CCDC7: variants seen among roughly 807,000 people sequenced by gnomAD.
The protein encoded by CCDC7 is coiled-coil domain containing 7, also known as coiled-coil domain-containing protein 7.
A neutral mutation model predicts 196.9 loss-of-function variants in CCDC7; 183 were observed. The observed-to-expected ratio is 0.93, with a 90% CI of 0.82 to 1.05. CCDC7 has a LOEUF of 1.05. Ranked by LOEUF, CCDC7 falls within the 50% of genes least tolerant of loss-of-function variation. The pLI is 0.00. For synonymous variants in CCDC7, 525 were observed against 484.6 expected (o/e 1.08, Z -1.10); for missense variants, 1,540 against 1,482.2 (o/e 1.04, Z -0.64).
At chr10:32,473,881 TA>T in intron 7 of CCDC7, 85 bp from the exon 9 acceptor site, 1 of 1,265,732 alleles carries the variant, frequency 7.9e-7, no homozygotes, top group Non-Finnish European at 1.0e-6. Flanking sequence ...AATAAGTTAC[TA>T]AAATTAAAAC....
In CCDC7 at chr10:32,543,294, A is replaced by T; in HGVS notation, c.994-6A>T. 2 of 1,412,478 alleles carry T rather than the reference A, an allele frequency of 1.4e-6. No homozygotes were observed. Among genetic ancestry groups the T allele is most frequent in the Non-Finnish European group, 9.4e-7 (1 of 1,065,384 alleles). 87.5% of individuals were successfully genotyped at this position (1,412,478 alleles called of 1,614,324 possible). A position where few individuals can be genotyped will look rare whatever the true frequency, so the allele number is the denominator to read the frequency against. Reference sequence around the variant, plus strand: ...CTTTATTTCTGGCTTATGTAAAATTATACAGAAAACTAAGCCTACAAATAA... The same window carrying T: ...CTTTATTTCTGGCTTATGTAAAATTTTACAGAAAACTAAGCCTACAAATAA... On this transcript the variant is annotated splice_polypyrimidine_tract_variant and splice_region_variant and intron_variant, in intron 11 of 41. Coordinates refer to ENST00000639629, the Ensembl canonical transcript of CCDC7.
At chr10:32,701,073 T>C (rs769738137) in intron 24 of CCDC7, among the ~76,000 whole-genome samples, 7 of 152,130 alleles carry the variant, frequency 4.6e-5, no homozygotes, top group Admixed American at 3.3e-4. Context: ...ATTGCCCTGG[T>C]CAGAACTTCC....
At chr10:32,741,591 A>G (rs1440262756) in intron 28 of CCDC7, among the ~76,000 whole-genome samples, 2 of 152,182 alleles carry the variant, frequency 1.3e-5, no homozygotes, top group East Asian at 1.9e-4. Context: ...ATTTGGTTGG[A>G]AAAAAAGCCA....
rs1029701158 is a variant in CCDC7, at chr10:32,741,870, G to A, written c.2905+12413G>A. Reference sequence around the variant, plus strand: ...GATGTTCTCCTATTTCAACATACACGTTACACATTTAAATTTGTTATATCT... The same window carrying A: ...GATGTTCTCCTATTTCAACATACACATTACACATTTAAATTTGTTATATCT... On this transcript the variant is annotated intron_variant, in intron 28 of 41. Transcript: ENST00000639629. Among the ~76,000 whole-genome samples the A allele has an allele frequency of 2.0e-5, 3 of 151,990 alleles. No homozygotes were observed. In the East Asian group the frequency reaches 5.8e-4, roughly 29 times the overall value.
intron 41 of CCDC7, among the ~76,000 whole-genome samples, chr10:32,867,869 G>T (rs1231658067): frequency 6.6e-6 from 1 of 151,660 alleles, no homozygotes; most frequent in Non-Finnish European, 1.5e-5. Flanking sequence ...TCTACCTCCA[G>T]AACGTTTTTT....
chr10:32,657,646 G>A (rs971797066), intron 20 of CCDC7, among the ~76,000 whole-genome samples: 3 of 152,138 alleles, frequency 2.0e-5, no homozygotes, highest in Admixed American at 1.3e-4. Context: ...TAGGCCTCTG[G>A]GCCTGTGATG....
At chr10:32,685,873 G>T in intron 21 of CCDC7, 97 bp from the exon 23 acceptor site, 1 of 667,936 alleles carries the variant, frequency 1.5e-6, no homozygotes, top group Non-Finnish European at 2.6e-6. Flanking sequence ...AAGTGACTGA[G>T]AATGCTCATG....
chr10:32,772,312 C>T lies in CCDC7; in HGVS notation c.2906-6665C>T, dbSNP rs146705742. On this transcript the variant is annotated intron_variant, in intron 28 of 41. Coordinates refer to ENST00000639629, the Ensembl canonical transcript of CCDC7. ...TTCCCACTCATTTGGTGAGGCAGATCCACTCCCACAGTGTTCCACTGACAG... is the reference window on the plus strand; with the variant it reads ...TTCCCACTCATTTGGTGAGGCAGATTCACTCCCACAGTGTTCCACTGACAG... Among the ~76,000 whole-genome samples the T allele has an allele frequency of 5.9e-3, 900 of 152,282 alleles. 6 individuals carry two copies. The highest frequency in any genetic ancestry group is 0.02 in the Middle Eastern group (6 of 294).
chr10:32,664,939 C>CA (rs1343367192), intron 21 of CCDC7, among the ~76,000 whole-genome samples: 8 of 152,008 alleles, frequency 5.3e-5, no homozygotes, highest in African/African-American at 1.9e-4. Flanking sequence ...CAACAGTGTA[C>CA]AAGTGTTCCC....
intron 31 of CCDC7, among the ~76,000 whole-genome samples, chr10:32,820,123 A>G (rs1453177303): frequency 2.6e-5 from 4 of 152,230 alleles, no homozygotes; most frequent in South Asian, 2.1e-4. Flanking sequence ...CAAAGTCTCC[A>G]GATACAAAAT....
upstream of CCDC7, among the ~76,000 whole-genome samples, chr10:32,450,053 A>G (rs906862977): frequency 1.3e-5 from 2 of 152,250 alleles, no homozygotes; most frequent in African/African-American, 4.8e-5. Flanking sequence ...CTAAGACACT[A>G]GTGCTGCTGT....
At chr10:32,641,868 A>T (rs56395628) in intron 20 of CCDC7, among the ~76,000 whole-genome samples, 1 of 152,114 alleles carries the variant, frequency 6.6e-6, no homozygotes, top group East Asian at 1.9e-4. Context: ...TTTCCTTCTA[A>T]CAGTCAGGAC....
At chr10:32,686,420 T>G (rs1471729285) in intron 22 of CCDC7, among the ~76,000 whole-genome samples, 6 of 152,206 alleles carry the variant, frequency 3.9e-5, no homozygotes, top group Non-Finnish European at 8.8e-5. Context: ...TTCAGTAAGC[T>G]GTTTCCATTT....
In CCDC7 at chr10:32,543,285, TGTA is replaced by T; in HGVS notation, c.994-14_994-12del. 7.2e-7 allele frequency: 1 copy of T among 1,396,606 alleles called. No individual in the cohort carries two copies. The highest frequency in any genetic ancestry group is 9.5e-7 in the Non-Finnish European group (1 of 1,055,568). The allele number at this position is 1,396,606 out of a possible 1,614,324, so 86.5% of individuals were successfully genotyped here. On this transcript the variant is annotated splice_polypyrimidine_tract_variant and intron_variant, in intron 11 of 41. Coordinates refer to ENST00000639629, the Ensembl canonical transcript of CCDC7. ...TTTTTAACCCTTTATTTCTGGCTTA[TGTA>T]AAATTATACAGAAAACTAAGCCTAC...
intron 20 of CCDC7, among the ~76,000 whole-genome samples, chr10:32,647,758 T>TTTAGA (rs2068035036): frequency 6.6e-6 from 1 of 152,248 alleles, no homozygotes; most frequent in Non-Finnish European, 1.5e-5. Flanking sequence ...TCATGAATAC[T>TTTAGA]TTCTCTGATT....
intron 16 of CCDC7, among the ~76,000 whole-genome samples, chr10:32,572,650 A>C (rs1272101064): frequency 6.6e-6 from 1 of 152,156 alleles, no homozygotes; most frequent in African/African-American, 2.4e-5. Flanking sequence ...TTTTAAATAC[A>C]ATGTCCAAGA....
intron 13 of CCDC7, among the ~76,000 whole-genome samples, chr10:32,556,342 A>C (rs2054339988): frequency 6.6e-6 from 1 of 152,188 alleles, no homozygotes; most frequent in Non-Finnish European, 1.5e-5. Context: ...TATCTCATGT[A>C]AAGTTTGAGT....
At chr10:32,595,988 G>T (rs2060302654) in intron 18 of CCDC7, among the ~76,000 whole-genome samples, 1 of 152,194 alleles carries the variant, frequency 6.6e-6, no homozygotes, top group Non-Finnish European at 1.5e-5. Context: ...TGGAATACGT[G>T]TGATGTGGTG....
chr10:32,566,337 A>G (rs2056783229), intron 14 of CCDC7, among the ~76,000 whole-genome samples: 1 of 152,132 alleles, frequency 6.6e-6, no homozygotes, highest in African/African-American at 2.4e-5. Flanking sequence ...TCACTCAATA[A>G]AAGCTTTTAA....
Sources: gnomAD v4.1 joint callset for allele counts (sites outside exome capture counted in the v4.1 genomes callset) on GRCh38, gnomAD v4.1.1 for gene constraint, MANE v1.5 for transcripts, NCBI Gene and HGNC (gene_info 2026-07-23, HGNC 2026-07-21) for gene names.